Variants in POU6F2 observed in about 807,000 individuals in gnomAD.
The protein encoded by POU6F2 is POU class 6 homeobox 2, also known as POU domain, class 6, transcription factor 2.
In POU6F2, 31 loss-of-function variants were observed where a neutral mutation model predicts 71.3. The ratio of observed to expected loss-of-function variants is 0.43; its 90% CI spans 0.33 to 0.59. The LOEUF (loss-of-function observed/expected upper bound fraction) is 0.59, where lower values mean the gene tolerates loss of function less well. Among genes scored for constraint, POU6F2 ranks in the 20% least tolerant of loss-of-function variants. The pLI is 0.04. For synonymous variants in POU6F2, 347 were observed against 355.7 expected (o/e 0.98, Z 0.27); for missense variants, 783 against 856.8 (o/e 0.91, Z 1.07).
chr7:39,126,050 A>G (rs1181491668), intron 2 of POU6F2, among the ~76,000 whole-genome samples: 1 of 152,082 alleles, frequency 6.6e-6, no homozygotes, highest in Non-Finnish European at 1.5e-5. Context: ...ATTTCTTTAC[A>G]TTGTTCAGGT....
chr7:39,391,603 C>G (rs779018271), intron 5 of POU6F2, among the ~76,000 whole-genome samples: 3 of 152,094 alleles, frequency 2.0e-5, no homozygotes, highest in Non-Finnish European at 4.4e-5. Flanking sequence ...AGTTTCATAC[C>G]AAAGTTATCC....
intron 1 of POU6F2, among the ~76,000 whole-genome samples, chr7:39,026,600 TG>T (rs1207034662): frequency 6.6e-6 from 1 of 151,670 alleles, no homozygotes; most frequent in African/African-American, 2.4e-5. Context: ...GGGACTGTTG[TG>T]GGGTGGGAGG....
intron 1 of POU6F2, among the ~76,000 whole-genome samples, chr7:39,072,384 T>C (rs1274815484): frequency 6.6e-6 from 1 of 152,192 alleles, no homozygotes; most frequent in South Asian, 2.1e-4. Context: ...CAATCTATGA[T>C]GCATTTTTCC....
chr7:38,981,469 A>G (rs1442148481), intron 1 of POU6F2, among the ~76,000 whole-genome samples: 3 of 152,214 alleles, frequency 2.0e-5, no homozygotes, highest in African/African-American at 7.2e-5. Flanking sequence ...CTTCACGTCT[A>G]TAGACTGACT....
In POU6F2 at chr7:39,413,557, CA is replaced by C. The variant is rs889933169; in HGVS notation, c.1113+6826del. Among the ~76,000 whole-genome samples the C allele has an allele frequency of 6.3e-3, 938 of 149,732 alleles. 5 individuals are homozygous for C. The highest frequency in any genetic ancestry group is 0.022 in the African/African-American group (886 of 40,912). ...TTTTGGCCATCTTTCTTTTATAAGC[CA>C]AAAAAAAATCTGAAAAAGCTTGTAT... On this transcript the variant is annotated intron_variant, in intron 6 of 9. Transcript: ENST00000518318.
At chr7:39,106,064 G>A (rs560782100) in intron 2 of POU6F2, among the ~76,000 whole-genome samples, 5 of 152,204 alleles carry the variant, frequency 3.3e-5, no homozygotes, top group Non-Finnish European at 7.3e-5. Context: ...TTTCACAAAA[G>A]CTCTTCCTTA....
At chr7:39,356,213 G>A (rs1562801257) in intron 5 of POU6F2, among the ~76,000 whole-genome samples, 1 of 152,194 alleles carries the variant, frequency 6.6e-6, no homozygotes, top group Middle Eastern at 3.4e-3. Context: ...CCCTCTGCTG[G>A]CCTGTTTAGC....
chr7:39,157,186 A>G (rs1792888103), intron 2 of POU6F2, among the ~76,000 whole-genome samples: 1 of 152,140 alleles, frequency 6.6e-6, no homozygotes, highest in Non-Finnish European at 1.5e-5. Flanking sequence ...TGGTGCATAT[A>G]ATGTTAATAT....
At chr7:39,007,909 C>A (rs1258741373) in intron 1 of POU6F2, among the ~76,000 whole-genome samples, 1 of 151,632 alleles carries the variant, frequency 6.6e-6, no homozygotes, top group Non-Finnish European at 1.5e-5. Flanking sequence ...GCCACATTTT[C>A]TTAATCCAGT....
intron 1 of POU6F2, among the ~76,000 whole-genome samples, chr7:39,054,911 G>A (rs530481483): frequency 1.3e-5 from 2 of 152,154 alleles, no homozygotes; most frequent in South Asian, 4.2e-4. Context: ...GAAAAGGCCA[G>A]ATCATGTAAT....
intron 1 of POU6F2, among the ~76,000 whole-genome samples, chr7:39,040,311 T>C (rs923373930): frequency 6.6e-6 from 1 of 150,472 alleles, no homozygotes; most frequent in African/African-American, 2.4e-5. Context: ...CTATATATTT[T>C]TAGAAAATCT....
intron 2 of POU6F2, among the ~76,000 whole-genome samples, chr7:39,110,354 T>C (rs1213466593): frequency 6.6e-6 from 1 of 151,872 alleles, no homozygotes; most frequent in Admixed American, 6.6e-5. Context: ...ATATGAAAAC[T>C]GATCATGTTC....
chr7:39,099,740 A>C (rs1791529662), intron 2 of POU6F2, among the ~76,000 whole-genome samples: 1 of 152,202 alleles, frequency 6.6e-6, no homozygotes, highest in Non-Finnish European at 1.5e-5. Flanking sequence ...ATGTAAAGGA[A>C]GGCAAATAAG....
chr7:39,208,977 A>C (rs1003881349), intron 4 of POU6F2, among the ~76,000 whole-genome samples: 1 of 152,190 alleles, frequency 6.6e-6, no homozygotes, highest in Non-Finnish European at 1.5e-5. Flanking sequence ...GAATATTATA[A>C]ATAAACATAA....
chr7:39,001,849 G>A (rs1458653776), intron 1 of POU6F2, among the ~76,000 whole-genome samples: 2 of 152,080 alleles, frequency 1.3e-5, no homozygotes, highest in East Asian at 3.9e-4. Flanking sequence ...TGATAGTCAT[G>A]GTGATGTGAT....
Position 39,391,342 on chromosome 7 carries a change from C to A in POU6F2, c.973-15258C>A, listed in dbSNP as rs559434901. 2.6e-5 allele frequency among the ~76,000 whole-genome samples: 4 copies of A among 152,148 alleles called. No homozygotes were observed. The South Asian group carries it at 8.3e-4, about 32-fold the overall frequency. On this transcript the variant is annotated intron_variant, in intron 5 of 9. Coordinates refer to ENST00000518318, the MANE Select transcript of POU6F2 (RefSeq NM_001370959.1). The stretch of plus-strand genomic sequence containing the variant: ...TATATAATAATTATATGATCACCTC[C>A]TAAACTTGCTTATTTTCTTTTCCTC...
intron 1 of POU6F2, among the ~76,000 whole-genome samples, chr7:39,052,029 TG>T (rs1262260085): frequency 3.9e-5 from 6 of 152,084 alleles, no homozygotes; most frequent in Admixed American, 3.9e-4. Flanking sequence ...TGGCAGGTGT[TG>T]GGGGCTGACT....
intron 6 of POU6F2, among the ~76,000 whole-genome samples, chr7:39,419,166 CAT>C (rs748219901): frequency 7.0e-5 from 8 of 114,628 alleles, no homozygotes; most frequent in Non-Finnish European, 1.2e-4. Context: ...TATATATACA[CAT>C]ATATATACGT....
intron 1 of POU6F2, among the ~76,000 whole-genome samples, chr7:39,035,525 A>G (rs1562679992): frequency 6.6e-6 from 1 of 152,210 alleles, no homozygotes; most frequent in Non-Finnish European, 1.5e-5. Context: ...AGCGACAAAG[A>G]CAAAAGTAAC....
Sources: gnomAD v4.1 joint callset for allele counts (sites outside exome capture counted in the v4.1 genomes callset) on GRCh38, gnomAD v4.1.1 for gene constraint, MANE v1.5 for transcripts, NCBI Gene and HGNC (gene_info 2026-07-23, HGNC 2026-07-21) for gene names.